The following SGO2 variants were observed in gnomAD, a reference collection of about 807,000 sequenced individuals.
SGO2 encodes the protein shugoshin 2.
SGO2 carries 68 observed loss-of-function variants against 99.5 expected under a neutral mutation model. That is an observed-to-expected ratio of 0.68 (90% CI 0.56 to 0.84). The LOEUF is 0.84. SGO2 is among the 40% of genes least tolerant of loss of function. The pLI, the probability that SGO2 is intolerant of heterozygous loss-of-function variation, is 0.00. For synonymous variants in SGO2, 457 were observed against 487.1 expected, an observed-to-expected ratio of 0.94 and a Z score of 0.81; for missense variants, 1,350 against 1,436.7, an observed-to-expected ratio of 0.94 and a Z score of 0.97.
At chr2:200,580,497 C>T in intron 8 of SGO2, 1 of 432,178 alleles carries the variant, frequency 2.3e-6, no homozygotes, top group Non-Finnish European at 4.7e-6. Context: ...GTTGTTTTCC[C>T]ATTAAAATTT....
intron 4 of SGO2, among the ~76,000 whole-genome samples, chr2:200,542,181 G>A (rs182192264): frequency 6.6e-6 from 1 of 152,018 alleles, no homozygotes; most frequent in East Asian, 1.9e-4. Context: ...ATATATAAAA[G>A]ATATATTAAA....
At chr2:200,567,243 G>C (rs1201043584) in intron 5 of SGO2, among the ~76,000 whole-genome samples, 1 of 152,168 alleles carries the variant, frequency 6.6e-6, no homozygotes, top group Non-Finnish European at 1.5e-5. Flanking sequence ...TGTAGCATCT[G>C]TAGTGAGAAC....
chr2:200,556,048 T>G (rs2032701634), intron 5 of SGO2, among the ~76,000 whole-genome samples: 1 of 152,158 alleles, frequency 6.6e-6, no homozygotes, highest in African/African-American at 2.4e-5. Flanking sequence ...CACTACAACC[T>G]CCACCTCCTG....
intron 5 of SGO2, among the ~76,000 whole-genome samples, chr2:200,554,164 A>G (rs1207891993): frequency 6.6e-6 from 1 of 152,356 alleles, no homozygotes; most frequent in South Asian, 2.1e-4. Flanking sequence ...GAGAGAAACA[A>G]ACATGCTCCA....
chr2:200,542,846 G>T, intron 5 of SGO2, 182 bp downstream of exon 5: 1 of 408,786 alleles, frequency 2.4e-6, no homozygotes, highest in South Asian at 5.6e-5. Flanking sequence ...GGAAACTTAC[G>T]GTCAATCCCC....
In SGO2 at chr2:200,575,376, A is replaced by C; in HGVS notation, c.3697A>C (p.Asn1233His). ...TTCAAATAACACTGCTGAATCTGAA[A>C]ATAAGTCAGAAGATCTATCTTCAGA... is the stretch of plus-strand genomic sequence containing the variant. ...FVSNNTAESE[N>H]KSEDLSSERT... Residue 1233 changes from asparagine to histidine, a missense_variant, in exon 8 of 9, where the codon AAT (asparagine) becomes CAT (histidine). By Grantham distance (68) the Asn-to-His change is moderately conservative. Transcript: ENST00000357799. The C allele has an allele frequency of 1.2e-6, 2 of 1,608,446 alleles. No homozygotes were observed. Among genetic ancestry groups the C allele is most frequent in the Non-Finnish European group, 1.7e-6 (2 of 1,176,172 alleles).
chr2:200,573,971 G>A lies in SGO2; in HGVS notation c.3625G>A (p.Gly1209Arg), dbSNP rs753207472. The A allele has an allele frequency of 6.4e-7, 1 of 1,572,676 alleles. No homozygotes were observed. Among genetic ancestry groups the A allele is most frequent in the African/African-American group, 1.4e-5 (1 of 72,946 alleles). The change falls in exon 7 of 9, where the codon GGA becomes AGA. Residue 1209 changes from glycine (G) to arginine (R), a missense_variant. Transcript: ENST00000357799. ...AGTCAACCGGAGAACCCAAAAATCA[G>A]GAATAGGTAGGTTAATAACCATTAT... ...FKVNRRTQKS[G>R]IGDRPLQDLS...
intron 5 of SGO2, among the ~76,000 whole-genome samples, chr2:200,547,830 G>C (rs531356639): frequency 2.0e-5 from 3 of 152,068 alleles, no homozygotes; most frequent in African/African-American, 7.2e-5. Context: ...CATGCAACTA[G>C]AAAACAAGAG....
At chr2:200,578,300 G>C (rs2033733907) in intron 8 of SGO2, among the ~76,000 whole-genome samples, 1 of 152,052 alleles carries the variant, frequency 6.6e-6, no homozygotes, top group Non-Finnish European at 1.5e-5. Flanking sequence ...TGGCTTCCGT[G>C]TCCTTTTGAC....
In SGO2 at chr2:200,571,572, A is replaced by T. The variant is rs78434530; in HGVS notation, c.1226A>T (p.Lys409Met). ...RKVKDSSSEKKRERSKRQFKN... is the reference protein window; with the variant it reads ...RKVKDSSSEKMRERSKRQFKN... ...GTGAAAGATTCCAGCTCTGAAAAAA[A>T]GAGAGAAAGATCAAAGAGACAGTTT... The change falls in exon 7 of 9, where the codon AAG becomes ATG. Residue 409 changes from lysine (K) to methionine (M), a missense_variant. By Grantham distance (95) the Lys-to-Met change is moderately conservative. Coordinates refer to ENST00000357799, the MANE Select transcript of SGO2 (RefSeq NM_152524.6). The T allele has an allele frequency of 6.2e-7, 1 of 1,611,956 alleles. No individual in the cohort carries two copies. The highest frequency in any genetic ancestry group is 1.3e-5 in the African/African-American group (1 of 74,720).
rs192817045 is a variant in SGO2, at chr2:200,571,095, G to A, written c.749G>A (p.Ser250Asn). Residue 250 changes from serine to asparagine, a missense_variant, in exon 7 of 9, where the codon AGT becomes AAT. Physicochemically the swap from Ser to Asn is conservative, Grantham distance 46. Transcript: ENST00000357799. ...CAAAGTTCTAAGACTTCTCTAATGA[G>A]TGAGATGAGAAACGCCCAGTCTATT... is the stretch of plus-strand genomic sequence containing the variant. ...SDQSSKTSLM[S>N]EMRNAQSIGR... 425 of 1,611,110 alleles carry A rather than the reference G, an allele frequency of 2.6e-4. 1 individual carries two copies. Among genetic ancestry groups the A allele is most frequent in the Non-Finnish European group, 1.3e-4 (156 of 1,178,838 alleles).
At position 200,575,446 on chromosome 2, in the gene SGO2, A is replaced by G. The variant is rs1484091721; in HGVS notation, c.3767A>G (p.Glu1256Gly). 1.1e-5 allele frequency: 17 copies of G among 1,590,546 alleles called. No individual in the cohort carries two copies. The highest frequency in any genetic ancestry group is 1.5e-5 in the Non-Finnish European group (17 of 1,165,832). The change falls in exon 8 of 9, where the codon GAG (glutamate) becomes GGG (glycine). Residue 1256 changes from glutamate (E) to glycine (G), a missense_variant. By Grantham distance (98) the Glu-to-Gly change is moderately conservative. Transcript: ENST00000357799. ...RRRCTPFYFK[E>G]PSLRDKMRR The stretch of plus-strand genomic sequence containing the variant: ...AGGTGTACTCCTTTCTATTTTAAAG[A>G]GCCAAGCCTCAGAGAGTAAGTATTT...
intron 4 of SGO2, among the ~76,000 whole-genome samples, chr2:200,541,052 G>A (rs2031939324): frequency 1.3e-5 from 2 of 152,138 alleles, no homozygotes. Context: ...AAGCATGCAA[G>A]ACAGAAAAGG....
intron 4 of SGO2, among the ~76,000 whole-genome samples, chr2:200,540,007 T>C (rs2031885386): frequency 6.6e-6 from 1 of 152,184 alleles, no homozygotes; most frequent in Non-Finnish European, 1.5e-5. Context: ...TGAGCCCATT[T>C]AATTTATTTT....
chr2:200,558,352 A>C lies in SGO2; in HGVS notation c.474-11311A>C, dbSNP rs554114796. On this transcript the variant is annotated intron_variant, in intron 5 of 8. Coordinates refer to ENST00000357799, the MANE Select transcript of SGO2 (RefSeq NM_152524.6). Reference sequence around the variant, plus strand: ...AGAGTTTTTCATGAATAACTACTGAATTTTATCAAACGCTTTTTCTGTCAC... The same window carrying C: ...AGAGTTTTTCATGAATAACTACTGACTTTTATCAAACGCTTTTTCTGTCAC... 1.3e-3 allele frequency among the ~76,000 whole-genome samples: 205 copies of C among 152,234 alleles called. 5 individuals carry two copies. In the South Asian group the frequency reaches 0.041, roughly 31 times the overall value.
chr2:200,571,263 A>T lies in SGO2; in HGVS notation c.917A>T (p.Asn306Ile), dbSNP rs760606191. 1.2e-6 allele frequency: 2 copies of T among 1,613,486 alleles called. No homozygotes were observed. Among genetic ancestry groups the T allele is most frequent in the South Asian group, 2.2e-5 (2 of 91,008 alleles). Residue 306 changes from asparagine to isoleucine, a missense_variant, in exon 7 of 9, where the codon AAT becomes ATT. Coordinates refer to ENST00000357799, the MANE Select transcript of SGO2 (RefSeq NM_152524.6). The part of the protein sequence containing the change: ...DKQHISSPEL[N>I]CNNEINGHTN... The stretch of plus-strand genomic sequence containing the variant: ...CAACACATTTCAAGTCCAGAATTAA[A>T]TTGCAATAATGAGATAAATGGTCAT...
chr2:200,567,971 G>A (rs2033255277), intron 5 of SGO2, among the ~76,000 whole-genome samples: 1 of 152,156 alleles, frequency 6.6e-6, no homozygotes, highest in Non-Finnish European at 1.5e-5. Context: ...TTGAATATAT[G>A]CCTAGCAGTG....
intron 2 of SGO2, among the ~76,000 whole-genome samples, chr2:200,533,560 T>A (rs1363830982): frequency 6.6e-6 from 1 of 151,186 alleles, no homozygotes; most frequent in Non-Finnish European, 1.5e-5. Context: ...TACATGTGAC[T>A]TTATATAGGC....
intron 5 of SGO2, among the ~76,000 whole-genome samples, chr2:200,545,392 C>T (rs538283173): frequency 6.6e-6 from 1 of 152,288 alleles, no homozygotes; most frequent in Admixed American, 6.5e-5. Flanking sequence ...TTTATGAAAT[C>T]CAACTTTGTT....
Sources: gnomAD v4.1 joint callset for allele counts (sites outside exome capture counted in the v4.1 genomes callset) on GRCh38, gnomAD v4.1.1 for gene constraint, MANE v1.5 for transcripts, NCBI Gene and HGNC (gene_info 2026-07-23, HGNC 2026-07-21) for gene names.